RAPGEF1: variants seen among roughly 807,000 people sequenced by gnomAD.
The protein encoded by RAPGEF1 is CRK SH3-binding GNRP.
Under a neutral mutation model 143.3 loss-of-function variants are expected in RAPGEF1, and 33 were observed. That is an observed-to-expected ratio of 0.23 (90% CI 0.17 to 0.31). The LOEUF is 0.31. Among genes scored for constraint, RAPGEF1 ranks in the 10% least tolerant of loss-of-function variants. The pLI is 1.00. For missense variants in RAPGEF1, 1,199 were observed against 1,645.4 expected (o/e 0.73, Z 4.69); for synonymous variants, 629 against 676.5 (o/e 0.93, Z 1.09).
intron 1 of RAPGEF1, among the ~76,000 whole-genome samples, chr9:131,738,381 A>G (rs1423557685): frequency 6.6e-6 from 1 of 152,186 alleles, no homozygotes; most frequent in East Asian, 1.9e-4. Context: ...TGCTGCACAG[A>G]TGAACCCAAG....
intron 1 of RAPGEF1, among the ~76,000 whole-genome samples, chr9:131,709,170 A>C (rs1835321121): frequency 6.6e-6 from 1 of 152,166 alleles, no homozygotes; most frequent in African/African-American, 2.4e-5. Context: ...AAGATGGTGA[A>C]ACTCCATCTG....
Position 131,582,717 on chromosome 9 carries a change from C to T in RAPGEF1, c.3415-15G>A. 1 of 1,558,100 alleles carries T rather than the reference C, an allele frequency of 6.4e-7. No homozygotes were observed. Among genetic ancestry groups the T allele is most frequent in the Non-Finnish European group, 8.6e-7 (1 of 1,156,428 alleles). Reference sequence around the variant, plus strand: ...TCGGCCAGGCCCTGGCAGGACAGGACAGGACAGGACCGGACAGGGGTGAGC... The same window carrying T: ...TCGGCCAGGCCCTGGCAGGACAGGATAGGACAGGACCGGACAGGGGTGAGC... On this transcript the variant is annotated splice_polypyrimidine_tract_variant and intron_variant, in intron 24 of 26. Coordinates refer to ENST00000683357, the MANE Select transcript of RAPGEF1 (RefSeq NM_001377935.1).
At position 131,676,969 on chromosome 9, in the gene RAPGEF1, G is replaced by GTA. The variant is rs558697487; in HGVS notation, c.62-26021_62-26020insTA. 6.9e-4 allele frequency among the ~76,000 whole-genome samples: 105 copies of GTA among 152,360 alleles called. 1 individual carries two copies. Among genetic ancestry groups the GTA allele is most frequent in the African/African-American group, 2.3e-3 (97 of 41,580 alleles). Reference sequence around the variant, plus strand: ...CAATCTGTTTTAACAAGCTCTCCAGGTGATTCTGATACACAGTAAGTTGGA... The same window carrying GTA: ...CAATCTGTTTTAACAAGCTCTCCAGGTATGATTCTGATACACAGTAAGTTGGA... On this transcript the variant is annotated intron_variant, in intron 1 of 26. Coordinates refer to ENST00000683357, the MANE Select transcript of RAPGEF1 (RefSeq NM_001377935.1).
Position 131,715,565 on chromosome 9 carries a change from A to C in RAPGEF1, c.61+24205T>G, listed in dbSNP as rs186695471. On this transcript the variant is annotated intron_variant, in intron 1 of 26. Transcript: ENST00000683357. ...TTCACCAAAGTCTTAAGGAGTTTCA[A>C]GAGGTTAAGAATGGCCGGGCACGGT... Among the ~76,000 whole-genome samples the C allele has an allele frequency of 9.2e-5, 14 of 152,192 alleles. No individual in the cohort carries two copies. In the East Asian group the frequency reaches 2.7e-3, roughly 29 times the overall value.
At chr9:131,724,886 A>G (rs1836540520) in intron 1 of RAPGEF1, among the ~76,000 whole-genome samples, 1 of 152,222 alleles carries the variant, frequency 6.6e-6, no homozygotes, top group Non-Finnish European at 1.5e-5. Flanking sequence ...AACAGCAGCC[A>G]CAGTCTGTTA....
chr9:131,591,288 G>A (rs1189711731), intron 18 of RAPGEF1, among the ~76,000 whole-genome samples: 1 of 152,208 alleles, frequency 6.6e-6, no homozygotes, highest in Non-Finnish European at 1.5e-5. Flanking sequence ...GGGCACACAG[G>A]AAGGAGCGGG....
rs55775276 is a variant in RAPGEF1 at position 131,691,331 on chromosome 9, C to T, written c.62-40382G>A. ...GTTTCTCAGTTGGGCCCCCAGAAAA[C>T]ATCAAAGGATGAGTCTCTCACCGTG... is the stretch of plus-strand genomic sequence containing the variant. On this transcript the variant is annotated intron_variant, in intron 1 of 26. Transcript: ENST00000683357. Among the ~76,000 whole-genome samples, 546 of 152,266 alleles carry T rather than the reference C, an allele frequency of 3.6e-3. 1 individual carries two copies. The highest frequency in any genetic ancestry group is 0.013 in the African/African-American group (524 of 41,542).
intron 1 of RAPGEF1, among the ~76,000 whole-genome samples, chr9:131,738,279 AG>A (rs1346851699): frequency 6.6e-6 from 1 of 151,848 alleles, no homozygotes; most frequent in African/African-American, 2.4e-5. Context: ...TTCTTATAAA[AG>A]AACTCAGTGA....
intron 10 of RAPGEF1, among the ~76,000 whole-genome samples, chr9:131,623,124 C>CA (rs2132895765): frequency 6.6e-6 from 1 of 152,144 alleles, no homozygotes; most frequent in East Asian, 1.9e-4. Context: ...GACGAAGAGG[C>CA]AAGCCTAGGA....
At chr9:131,678,002 C>T (rs148626247) in intron 1 of RAPGEF1, among the ~76,000 whole-genome samples, 1 of 152,358 alleles carries the variant, frequency 6.6e-6, no homozygotes, top group East Asian at 1.9e-4. Context: ...CTAGTTAAAA[C>T]AACTCACCTA....
At chr9:131,652,668 T>C (rs924610735) in intron 1 of RAPGEF1, among the ~76,000 whole-genome samples, 2 of 152,158 alleles carry the variant, frequency 1.3e-5, no homozygotes, top group African/African-American at 4.8e-5. Context: ...TTCAGAGTAA[T>C]AAAATGCAAG....
intron 1 of RAPGEF1, among the ~76,000 whole-genome samples, chr9:131,724,928 A>C (rs574892474): frequency 3.3e-4 from 51 of 152,322 alleles, no homozygotes; most frequent in Non-Finnish European, 6.6e-4. Context: ...CCCATTTATC[A>C]TAAAGGATAT....
intron 5 of RAPGEF1, among the ~76,000 whole-genome samples, chr9:131,633,712 A>G (rs1159658919): frequency 2.6e-5 from 4 of 152,232 alleles, no homozygotes; most frequent in Non-Finnish European, 2.9e-5. Context: ...TGAAAAGACT[A>G]TAAAAGGGGC....
intron 4 of RAPGEF1, among the ~76,000 whole-genome samples, chr9:131,639,391 C>T (rs933142766): frequency 3.3e-5 from 5 of 150,954 alleles, no homozygotes; most frequent in Admixed American, 6.6e-5. Context: ...TCAGGGGTGA[C>T]GGGGCCTGTG....
chr9:131,697,518 T>C (rs568796475), intron 1 of RAPGEF1, among the ~76,000 whole-genome samples: 6 of 152,326 alleles, frequency 3.9e-5, no homozygotes, highest in Admixed American at 3.9e-4. Context: ...GCTGCAGCTC[T>C]TGCAGCAAAA....
chr9:131,737,172 G>C (rs907793686), intron 1 of RAPGEF1, among the ~76,000 whole-genome samples: 3 of 152,180 alleles, frequency 2.0e-5, no homozygotes, highest in Non-Finnish European at 4.4e-5. Flanking sequence ...CCAATCTGCA[G>C]GCGAGGTCCT....
Position 131,605,201 on chromosome 9 carries a change from G to A in RAPGEF1, c.2062-13C>T. 7.7e-7 allele frequency: 1 copy of A among 1,295,994 alleles called. No homozygotes were observed. Among genetic ancestry groups the A allele is most frequent in the Non-Finnish European group, 1.0e-6 (1 of 984,320 alleles). The allele number at this position is 1,295,994 out of a possible 1,614,324, so 80.3% of individuals were successfully genotyped here. A position where few individuals can be genotyped will look rare whatever the true frequency, so the allele number is the denominator to read the frequency against. ...ACACAGACTTATACTACAGAATCCAGGTGGAGAACAAACAAAAACGAGAAT... is the reference window on the plus strand; with the variant it reads ...ACACAGACTTATACTACAGAATCCAAGTGGAGAACAAACAAAAACGAGAAT... On this transcript the variant is annotated splice_polypyrimidine_tract_variant and intron_variant, in intron 12 of 26. Transcript: ENST00000683357.
intron 12 of RAPGEF1, among the ~76,000 whole-genome samples, chr9:131,611,452 G>A (rs1286259023): frequency 1.3e-5 from 2 of 152,318 alleles, no homozygotes; most frequent in East Asian, 3.9e-4. Context: ...CTCATGTGAT[G>A]TATTTTTGCA....
At chr9:131,597,802 T>C (rs1431738298) in intron 16 of RAPGEF1, among the ~76,000 whole-genome samples, 6 of 152,148 alleles carry the variant, frequency 3.9e-5, no homozygotes, top group Non-Finnish European at 8.8e-5. Context: ...TTCCCCTGCC[T>C]CTGTCTCCCA....
Sources: gnomAD v4.1 joint callset for allele counts (sites outside exome capture counted in the v4.1 genomes callset) on GRCh38, gnomAD v4.1.1 for gene constraint, MANE v1.5 for transcripts, NCBI Gene and HGNC (gene_info 2026-07-23, HGNC 2026-07-21) for gene names.